Variants in TRPM1 observed in about 807,000 individuals in gnomAD.
The protein encoded by TRPM1 is TRPM1-203 APA Isoform, Intron 10.
In TRPM1, 113 loss-of-function variants were observed where a neutral mutation model predicts 149.4. The observed-to-expected ratio is 0.76, with a 90% CI of 0.65 to 0.88. The LOEUF (loss-of-function observed/expected upper bound fraction) is 0.88. Among genes scored for constraint, TRPM1 ranks in the 40% least tolerant of loss-of-function variants. The probability of loss-of-function intolerance (pLI) is 0.00; values close to 1 mark genes in which losing one functional copy is unlikely to be tolerated. For synonymous variants in TRPM1, 741 were observed against 759.5 expected (o/e 0.98, Z 0.40); for missense variants, 1,976 against 2,038.7 (o/e 0.97, Z 0.59).
intron 8 of TRPM1, 159 bp downstream of exon 8, chr15:31,062,959 C>T: frequency 9.3e-7 from 1 of 1,077,188 alleles, no homozygotes. Flanking sequence ...TCTGATGGTT[C>T]CCCTGGATGC....
At position 31,041,976 on chromosome 15, in the gene TRPM1, A is replaced by G; in HGVS notation, c.2062T>C (p.Ser688Pro). 1 of 1,614,180 alleles carries G rather than the reference A, an allele frequency of 6.2e-7. No individual in the cohort carries two copies. Among genetic ancestry groups the G allele is most frequent in the Non-Finnish European group, 8.5e-7 (1 of 1,180,036 alleles). The change falls in exon 17 of 28, where the codon TCC becomes CCC. Residue 688 changes from serine (S) to proline (P), a missense_variant. Physicochemically the swap from Ser to Pro is moderately conservative, Grantham distance 74. Around this residue, in one of 3 missense-constraint regions of TRPM1, gnomAD observed 1,332 missense variants for 1,347.1 expected, o/e 0.99. Coordinates refer to ENST00000256552, the MANE Select transcript of TRPM1 (RefSeq NM_001252024.2). ...SSESDLVDDI[S>P]QDLDNNSKDF... is the part of the protein sequence containing the mutation. ...TTGGAATTGTTATCCAAGTCCTGGGAGATGTCATCCACCAGATCACTCTCG... is the reference window on the plus strand; with the variant it reads ...TTGGAATTGTTATCCAAGTCCTGGGGGATGTCATCCACCAGATCACTCTCG...
intron 11 of TRPM1, among the ~76,000 whole-genome samples, chr15:31,052,527 C>A (rs1357775759): frequency 6.6e-6 from 1 of 152,322 alleles, no homozygotes; most frequent in East Asian, 1.9e-4. Flanking sequence ...GTAATCCCAG[C>A]ACGTTGGGAG....
At chr15:31,107,689 C>G (rs1024310775) in intron 1 of TRPM1, among the ~76,000 whole-genome samples, 1 of 151,916 alleles carries the variant, frequency 6.6e-6, no homozygotes, top group Admixed American at 6.6e-5. Context: ...CGGGTGTTTA[C>G]AGCTATAAAT....
At chr15:31,003,228 G>T (rs912252866) in intron 27 of TRPM1, among the ~76,000 whole-genome samples, 158 bp from the exon 28 acceptor site, 3 of 152,094 alleles carry the variant, frequency 2.0e-5, no homozygotes, top group African/African-American at 7.2e-5. Context: ...ATGACTACTC[G>T]AATTACCATG....
intron 1 of TRPM1, among the ~76,000 whole-genome samples, chr15:31,088,614 T>G (rs142626863): frequency 2.0e-5 from 3 of 152,210 alleles, no homozygotes; most frequent in East Asian, 3.9e-4. Context: ...GGAAGAAACG[T>G]AGGAAACATC....
intron 11 of TRPM1, among the ~76,000 whole-genome samples, chr15:31,054,799 TA>T (rs1447942465): frequency 6.6e-6 from 1 of 152,214 alleles, no homozygotes; most frequent in African/African-American, 2.4e-5. Context: ...TGAGAACATT[TA>T]AAATCTACTC....
intron 1 of TRPM1, among the ~76,000 whole-genome samples, chr15:31,111,665 G>A (rs1392776505): frequency 6.6e-6 from 1 of 152,182 alleles, no homozygotes; most frequent in Non-Finnish European, 1.5e-5. Context: ...ACGGGAAGAC[G>A]TCTCAGTGTT....
At chr15:31,112,501 C>T (rs1445489708) in intron 1 of TRPM1, among the ~76,000 whole-genome samples, 1 of 152,150 alleles carries the variant, frequency 6.6e-6, no homozygotes, top group Non-Finnish European at 1.5e-5. Context: ...AACAATTAGT[C>T]CCAAATGCTC....
intron 27 of TRPM1, among the ~76,000 whole-genome samples, chr15:31,012,976 C>CTTTTTTTTTT (rs1191852074): frequency 3.3e-5 from 4 of 119,714 alleles, no homozygotes; most frequent in African/African-American, 6.8e-5. Context: ...CTTTCTTTTT[C>CTTTTTTTTTT]TTTTTTTTTT....
At chr15:31,127,254 T>G (rs1012387447) in intron 1 of TRPM1, among the ~76,000 whole-genome samples, 3 of 152,210 alleles carry the variant, frequency 2.0e-5, no homozygotes, top group African/African-American at 7.2e-5. Context: ...AGTTTGTGTA[T>G]GTTTCTCATT....
At chr15:31,131,318 C>T (rs894274629) in intron 1 of TRPM1, among the ~76,000 whole-genome samples, 4 of 152,096 alleles carry the variant, frequency 2.6e-5, no homozygotes, top group South Asian at 2.1e-4. Context: ...GCCAAAGAGA[C>T]GAGCGCAGTG....
rs574158278 is a variant in TRPM1 at position 31,081,346 on chromosome 15, T to A, written c.3+7A>T. 1 of 1,507,870 alleles carries A rather than the reference T, an allele frequency of 6.6e-7. No homozygotes were observed. The highest frequency in any genetic ancestry group is 1.2e-5 in the South Asian group (1 of 83,480). The allele number at this position is 1,507,870 out of a possible 1,614,324, so 93.4% of individuals were successfully genotyped here. A position where few individuals can be genotyped will look rare whatever the true frequency, so the allele number is the denominator to read the frequency against. ...GGAAGGTGGAAGTGCTTTACTTAGG[T>A]ATTAACCATGAGTTTTCAAAAAGTT... On this transcript the variant is annotated splice_region_variant and intron_variant, in intron 2 of 27. Transcript: ENST00000256552.
chr15:31,103,804 C>T (rs1231883908), upstream of TRPM1, among the ~76,000 whole-genome samples: 1 of 115,154 alleles, frequency 8.7e-6, no homozygotes, highest in South Asian at 3.2e-4. Context: ...CAGAGTGAGA[C>T]TCTGTATCCA....
intron 2 of TRPM1, among the ~76,000 whole-genome samples, chr15:31,080,584 CA>C (rs2034827949): frequency 6.6e-6 from 1 of 152,026 alleles, no homozygotes. Flanking sequence ...AGGCTGGACA[CA>C]AGATCTGGCA....
rs193208354 is a variant in TRPM1, at chr15:31,028,360, G to C, written c.3265C>G (p.Leu1089Val). The C allele has an allele frequency of 6.2e-7, 1 of 1,614,198 alleles. No individual in the cohort carries two copies. Among genetic ancestry groups the C allele is most frequent in the East Asian group, 2.2e-5 (1 of 44,890 alleles). Residue 1089 changes from leucine to valine, a missense_variant, in exon 25 of 28, where the codon CTG becomes GTG. Leu to Val is a conservative substitution (Grantham distance 32). Coordinates refer to ENST00000256552, the MANE Select transcript of TRPM1 (RefSeq NM_001252024.2). ...ACYLLVANIL[L>V]VNLLIAVFNN... ...AACACAGCAATCAGCAGGTTCACCA[G>C]CAGGATGTTGGCGACCAGTAGATAG...
intron 1 of TRPM1, among the ~76,000 whole-genome samples, chr15:31,127,748 A>G (rs1286045802): frequency 1.3e-5 from 2 of 152,164 alleles, no homozygotes; most frequent in Non-Finnish European, 2.9e-5. Context: ...GAGGGTGAGC[A>G]TCTAGATCTC....
intron 1 of TRPM1, among the ~76,000 whole-genome samples, chr15:31,123,336 T>C (rs1005544200): frequency 2.6e-5 from 4 of 152,148 alleles, no homozygotes; most frequent in Admixed American, 6.5e-5. Context: ...ATTGATAAAC[T>C]TTACTAAAAT....
chr15:31,145,919 C>CAA (rs199510375), intron 1 of TRPM1, among the ~76,000 whole-genome samples: 96 of 130,286 alleles, frequency 7.4e-4, no homozygotes, highest in African/African-American at 2.7e-3. Flanking sequence ...ATAGCAGATA[C>CAA]AAAAAAAAAA....
chr15:31,048,835 A>G (rs945626021), intron 13 of TRPM1, among the ~76,000 whole-genome samples: 25 of 152,140 alleles, frequency 1.6e-4, no homozygotes, highest in African/African-American at 5.8e-4. Flanking sequence ...AAAATTCACC[A>G]AGTTTTAGCA....
Sources: gnomAD v4.1 joint callset for allele counts (sites outside exome capture counted in the v4.1 genomes callset) on GRCh38, gnomAD v4.1.1 for gene constraint, gnomAD v4.1.1 regional missense constraint, MANE v1.5 for transcripts, NCBI Gene and HGNC (gene_info 2026-07-23, HGNC 2026-07-21) for gene names.